The following ST3GAL5 variants were observed in gnomAD, a reference collection of about 807,000 sequenced individuals.
The protein encoded by ST3GAL5 is lactosylceramide alpha-2,3-sialyltransferase.
ST3GAL5 carries 25 observed loss-of-function variants against 46.1 expected under a neutral mutation model. The observed-to-expected ratio is 0.54, with a 90% confidence interval of 0.40 to 0.76. ST3GAL5 has a LOEUF of 0.76. ST3GAL5 is among the 30% of genes least tolerant of loss of function. The pLI is 0.00. For synonymous variants in ST3GAL5, 182 were observed against 192.7 expected, an observed-to-expected ratio of 0.94 and a Z score of 0.46; for missense variants, 431 against 521.2, an observed-to-expected ratio of 0.83 and a Z score of 1.69.
rs1681806616 is a variant in ST3GAL5 at position 85,839,941 on chromosome 2, TG to T, written c.*202del. ...CAATTCTTAAGTTTCATTTACAAAATGGTGTGCAAAAACAAACACTGACCTC... is the reference window on the plus strand; with the variant it reads ...CAATTCTTAAGTTTCATTTACAAAATGTGTGCAAAAACAAACACTGACCTC... On this transcript the variant is annotated 3_prime_UTR_variant, in exon 7 of 7. Coordinates refer to ENST00000638572, the MANE Select transcript of ST3GAL5 (RefSeq NM_003896.4). 1.6e-6 allele frequency: 1 copy of T among 625,328 alleles called. No homozygotes were observed. The highest frequency in any genetic ancestry group is 1.8e-5 in the African/African-American group (1 of 54,218). 38.7% of individuals were successfully genotyped at this position (625,328 alleles called of 1,614,324 possible). A position where few individuals can be genotyped will look rare whatever the true frequency, so the allele number is the denominator to read the frequency against.
At chr2:85,852,776 TG>T in intron 3 of ST3GAL5, 2 of 801,736 alleles carry the variant, frequency 2.5e-6, no homozygotes, top group Non-Finnish European at 3.6e-6. Flanking sequence ...ATCTGGAGGC[TG>T]GACTCAGTTC....
At chr2:85,847,795 C>CAA in intron 4 of ST3GAL5, 66 bp downstream of exon 4, 1 of 1,559,870 alleles carries the variant, frequency 6.4e-7, no homozygotes, top group Non-Finnish European at 8.6e-7. Context: ...GACCCTGCCT[C>CAA]AAAAAATAAA....
At chr2:85,870,541 T>A (rs1426358315) in intron 1 of ST3GAL5, among the ~76,000 whole-genome samples, 1 of 152,208 alleles carries the variant, frequency 6.6e-6, no homozygotes, top group Non-Finnish European at 1.5e-5. Context: ...AGCAACCACC[T>A]TTATGCAGAA....
intron 1 of ST3GAL5, chr2:85,865,919 T>C (rs1326759355): frequency 2.6e-5 from 4 of 152,422 alleles, no homozygotes; most frequent in Middle Eastern, 3.4e-3. Flanking sequence ...GGAGGCAATC[T>C]TTCTTTTCCC....
At chr2:85,847,593 T>C (rs919111895) in intron 4 of ST3GAL5, 19 of 1,225,284 alleles carry the variant, frequency 1.6e-5, no homozygotes, top group African/African-American at 4.6e-5. Flanking sequence ...TTAAAAGCGA[T>C]GTACCCCAGT....
chr2:85,869,805 C>A (rs914902395), intron 1 of ST3GAL5, among the ~76,000 whole-genome samples: 3 of 152,254 alleles, frequency 2.0e-5, no homozygotes, highest in Admixed American at 2.0e-4. Flanking sequence ...TGAATCCCAA[C>A]GGACAAAGGA....
intron 1 of ST3GAL5, among the ~76,000 whole-genome samples, chr2:85,863,906 C>A (rs1470410510): frequency 6.6e-6 from 1 of 152,090 alleles, no homozygotes; most frequent in African/African-American, 2.4e-5. Context: ...CAGGGTTTCA[C>A]CCTGTTAGTC....
rs376713851 is a variant in ST3GAL5 at position 85,844,384 on chromosome 2, C to G, written c.1008+12G>C. The G allele has an allele frequency of 6.2e-7, 1 of 1,614,054 alleles. No individual in the cohort carries two copies. Among genetic ancestry groups the G allele is most frequent in the Non-Finnish European group, 8.5e-7 (1 of 1,180,042 alleles). On this transcript the variant is annotated intron_variant, in intron 6 of 6. Coordinates refer to ENST00000638572, the MANE Select transcript of ST3GAL5 (RefSeq NM_003896.4). ...ACAGGGAATGATTAACTTTGAGTAG[C>G]AACAAAAATACCTTATCTCGGCCCC... is the stretch of plus-strand genomic sequence containing the variant.
chr2:85,850,284 C>T (rs1036894801), intron 3 of ST3GAL5: 1 of 152,246 alleles, frequency 6.6e-6, no homozygotes, highest in Non-Finnish European at 1.5e-5. Context: ...CCTTGCAAGA[C>T]GATCATTAGT....
chr2:85,861,234 T>G lies in ST3GAL5; in HGVS notation c.265A>C (p.Thr89Pro). The G allele has an allele frequency of 6.2e-7, 1 of 1,613,748 alleles. No homozygotes were observed. The highest frequency in any genetic ancestry group is 8.5e-7 in the Non-Finnish European group (1 of 1,179,786). ...ILYILKLNYT[T>P]EECDMKKMHY... is the part of the protein sequence containing the mutation. ...ATTTTTTTCATGTCACATTCTTCAGTAGTATAATTTAACTTGAGGATATAA... is the reference window on the plus strand; with the variant it reads ...ATTTTTTTCATGTCACATTCTTCAGGAGTATAATTTAACTTGAGGATATAA... Residue 89 changes from threonine (T) to proline (P), a missense_variant, in exon 3 of 7, where the codon ACT becomes CCT. By Grantham distance (38) the Thr-to-Pro change is conservative. Transcript: ENST00000638572.
chr2:85,868,909 G>A (rs1573674723), intron 1 of ST3GAL5, among the ~76,000 whole-genome samples: 2 of 151,838 alleles, frequency 1.3e-5, no homozygotes, highest in South Asian at 4.2e-4. Flanking sequence ...GTGAGCCACC[G>A]CACCCAGCCG....
intron 3 of ST3GAL5, chr2:85,855,298 C>T (rs1683977253): frequency 6.5e-6 from 1 of 152,776 alleles, no homozygotes; most frequent in Admixed American, 6.5e-5. Flanking sequence ...TGCTGCCATT[C>T]ATGTAAGACG....
intron 2 of ST3GAL5, among the ~76,000 whole-genome samples, chr2:85,862,937 G>C (rs559591065): frequency 3.3e-5 from 5 of 152,292 alleles, no homozygotes; most frequent in Non-Finnish European, 7.4e-5. Context: ...AGGGTGACCT[G>C]GCTCAAACAC....
At chr2:85,873,082 G>A (rs928517647) in intron 1 of ST3GAL5, among the ~76,000 whole-genome samples, 4 of 152,232 alleles carry the variant, frequency 2.6e-5, no homozygotes, top group Non-Finnish European at 4.4e-5. Context: ...GGCAGGACGA[G>A]AGCAGCGTTG....
intron 3 of ST3GAL5, chr2:85,853,865 T>G (rs549702406): frequency 1.3e-5 from 2 of 152,154 alleles, no homozygotes; most frequent in African/African-American, 2.4e-5. Context: ...CCACCTCTTC[T>G]GCGTGGAAGG....
chr2:85,883,385 T>C (rs965388397), intron 1 of ST3GAL5, among the ~76,000 whole-genome samples: 4 of 152,234 alleles, frequency 2.6e-5, no homozygotes, highest in Non-Finnish European at 5.9e-5. Context: ...CCCTCCACCA[T>C]GATTGTGAGA....
intron 3 of ST3GAL5, 164 bp from the exon 4 acceptor site, chr2:85,848,368 C>T: frequency 1.9e-6 from 3 of 1,554,738 alleles, no homozygotes; most frequent in Non-Finnish European, 2.6e-6. Context: ...GGCTCAGAAA[C>T]TTGAAGAAAC....
intron 1 of ST3GAL5, among the ~76,000 whole-genome samples, chr2:85,865,180 T>C (rs1044631898): frequency 5.9e-5 from 9 of 152,238 alleles, no homozygotes; most frequent in Admixed American, 3.3e-4. Context: ...TTAACTAATA[T>C]AGGCACTAGT....
rs1244420356 is a variant in ST3GAL5 at position 85,870,018 on chromosome 2, C to T, written c.83-6533G>A. 1.7e-5 allele frequency: 6 copies of T among 353,870 alleles called. No homozygotes were observed. In the East Asian group the frequency reaches 3.0e-4, roughly 18 times the overall value. 21.9% of individuals were successfully genotyped at this position (353,870 alleles called of 1,614,324 possible). ...CCCTCTCCTTAATTCAATTAACTTA[C>T]ATAATGTGAATGCTTGTGTTAGAAT... is the stretch of plus-strand genomic sequence containing the variant. On this transcript the variant is annotated intron_variant, in intron 1 of 6. Coordinates refer to ENST00000638572, the MANE Select transcript of ST3GAL5 (RefSeq NM_003896.4).
Sources: gnomAD v4.1 joint callset for allele counts (sites outside exome capture counted in the v4.1 genomes callset) on GRCh38, gnomAD v4.1.1 for gene constraint, MANE v1.5 for transcripts, NCBI Gene and HGNC (gene_info 2026-07-23, HGNC 2026-07-21) for gene names.